Variants in LRRC4C observed in about 807,000 individuals in gnomAD.
The protein encoded by LRRC4C is leucine rich repeat containing 4C.
A neutral mutation model predicts 33.6 loss-of-function variants in LRRC4C; 5 were observed. The observed-to-expected ratio is 0.15, with a 90% CI of 0.08 to 0.31. The LOEUF (loss-of-function observed/expected upper bound fraction) is 0.31. Ranked by LOEUF, LRRC4C falls within the 10% of genes least tolerant of loss-of-function variation. The pLI is 1.00. For missense variants in LRRC4C, 560 were observed against 796.7 expected (o/e 0.70, Z 3.58); for synonymous variants, 329 against 302.0 (o/e 1.09, Z -0.93).
At chr11:40,359,904 T>C (rs1306347772) in intron 3 of LRRC4C, among the ~76,000 whole-genome samples, 1 of 152,118 alleles carries the variant, frequency 6.6e-6, no homozygotes, top group Non-Finnish European at 1.5e-5. Flanking sequence ...CCTATGAGAT[T>C]CAAGGGAAAA....
chr11:40,246,064 C>G (rs1258783404), intron 4 of LRRC4C, among the ~76,000 whole-genome samples: 1 of 150,988 alleles, frequency 6.6e-6, no homozygotes, highest in Non-Finnish European at 1.5e-5. Flanking sequence ...ACCTCTGCCT[C>G]CTGGGTTCAA....
At chr11:41,338,088 G>T (rs1401762218) in intron 1 of LRRC4C, among the ~76,000 whole-genome samples, 1 of 152,202 alleles carries the variant, frequency 6.6e-6, no homozygotes, top group Non-Finnish European at 1.5e-5. Context: ...CTGTTGGTAG[G>T]TTAAATGGTT....
intron 1 of LRRC4C, among the ~76,000 whole-genome samples, chr11:41,248,310 C>T (rs1445789867): frequency 6.6e-6 from 1 of 152,138 alleles, no homozygotes; most frequent in Non-Finnish European, 1.5e-5. Context: ...CTCTATTCTC[C>T]TGGACCCATT....
chr11:40,311,608 C>T (rs923967840), intron 4 of LRRC4C, among the ~76,000 whole-genome samples: 3 of 152,114 alleles, frequency 2.0e-5, no homozygotes, highest in Admixed American at 6.5e-5. Flanking sequence ...TATTTCACCT[C>T]TGTTTTCCAA....
chr11:40,948,974 A>C (rs887131568), intron 1 of LRRC4C, among the ~76,000 whole-genome samples: 6 of 152,144 alleles, frequency 3.9e-5, no homozygotes, highest in Non-Finnish European at 5.9e-5. Context: ...ACTAGTTTAC[A>C]GTCCCACCAA....
chr11:40,355,637 A>G (rs1373351991), intron 3 of LRRC4C, among the ~76,000 whole-genome samples: 1 of 152,062 alleles, frequency 6.6e-6, no homozygotes, highest in African/African-American at 2.4e-5. Flanking sequence ...CACACAATGC[A>G]CTGTCCCTCC....
At chr11:41,211,457 C>T (rs1946818391) in intron 1 of LRRC4C, among the ~76,000 whole-genome samples, 1 of 152,068 alleles carries the variant, frequency 6.6e-6, no homozygotes, top group Non-Finnish European at 1.5e-5. Flanking sequence ...TTAGGTATGT[C>T]TCCTAATGCT....
intron 3 of LRRC4C, among the ~76,000 whole-genome samples, chr11:40,581,948 GT>G (rs567965419): frequency 6.2e-4 from 94 of 152,074 alleles, no homozygotes; most frequent in African/African-American, 2.2e-3. Context: ...AAAACTATAT[GT>G]GTGAAAAGCT....
At chr11:40,503,824 G>C (rs1954900203) in intron 3 of LRRC4C, among the ~76,000 whole-genome samples, 1 of 152,158 alleles carries the variant, frequency 6.6e-6, no homozygotes, top group African/African-American at 2.4e-5. Flanking sequence ...CCTCAAAAAG[G>C]TGGATATACA....
At chr11:40,327,282 T>C (rs1946147127) in intron 3 of LRRC4C, among the ~76,000 whole-genome samples, 1 of 151,824 alleles carries the variant, frequency 6.6e-6, no homozygotes, top group South Asian at 2.1e-4. Flanking sequence ...GAATGCCCTT[T>C]GGAGTCATGT....
intron 2 of LRRC4C, among the ~76,000 whole-genome samples, chr11:40,911,654 G>A (rs554593633): frequency 2.0e-5 from 3 of 152,340 alleles, no homozygotes; most frequent in Non-Finnish European, 2.9e-5. Context: ...TTCCTCCAAA[G>A]GAATGCGGCT....
At chr11:40,296,233 C>A (rs766950107) in intron 4 of LRRC4C, among the ~76,000 whole-genome samples, 2 of 152,112 alleles carry the variant, frequency 1.3e-5, no homozygotes, top group African/African-American at 4.8e-5. Context: ...TATCTTTACC[C>A]ACATCATTGA....
chr11:40,842,754 A>G (rs1331799127), intron 2 of LRRC4C, among the ~76,000 whole-genome samples: 1 of 152,168 alleles, frequency 6.6e-6, no homozygotes, highest in East Asian at 1.9e-4. Flanking sequence ...GGTTAATAGT[A>G]GAACCGTGGT....
intron 3 of LRRC4C, among the ~76,000 whole-genome samples, chr11:40,350,911 C>T (rs568581589): frequency 1.8e-4 from 28 of 152,010 alleles, no homozygotes; most frequent in Middle Eastern, 6.8e-3. Context: ...GGCATGTAGA[C>T]GTGACAGATT....
At chr11:40,995,345 G>A (rs1426123452) in intron 1 of LRRC4C, among the ~76,000 whole-genome samples, 1 of 151,924 alleles carries the variant, frequency 6.6e-6, no homozygotes, top group Non-Finnish European at 1.5e-5. Context: ...CTCCTGCTGG[G>A]ATATATAACA....
chr11:40,613,498 C>G (rs1164909130), intron 3 of LRRC4C, among the ~76,000 whole-genome samples: 1 of 151,838 alleles, frequency 6.6e-6, no homozygotes. Flanking sequence ...CCTGCTCTTT[C>G]CATCAAAACT....
At chr11:40,740,130 C>T (rs1175196038) in intron 2 of LRRC4C, among the ~76,000 whole-genome samples, 1 of 151,864 alleles carries the variant, frequency 6.6e-6, no homozygotes, top group East Asian at 1.9e-4. Flanking sequence ...GAACATGGTG[C>T]ATATATTTCT....
At chr11:41,385,783 A>G (rs1506716) in intron 1 of LRRC4C, among the ~76,000 whole-genome samples, 61,459 of 151,344 alleles carry the variant, frequency 0.41, 12,765 homozygotes, top group South Asian at 0.48. Flanking sequence ...GAAACGTCCA[A>G]TAGGGAAGAT....
At chr11:40,558,084 G>A (rs1173328157) in intron 3 of LRRC4C, among the ~76,000 whole-genome samples, 1 of 152,100 alleles carries the variant, frequency 6.6e-6, no homozygotes, top group African/African-American at 2.4e-5. Flanking sequence ...CTCTGTCTTT[G>A]AAAACTAACG....
Sources: allele counts gnomAD v4.1 joint callset (sites outside exome capture counted in the v4.1 genomes callset), GRCh38; gene constraint gnomAD v4.1.1; transcripts MANE v1.5; gene names NCBI Gene and HGNC (gene_info 2026-07-23, HGNC 2026-07-21).